Variants in HERC3 observed in about 807,000 individuals in gnomAD.
HERC3 encodes HECT and RLD domain containing E3 ubiquitin protein ligase 3.
A neutral mutation model predicts 129.9 loss-of-function variants in HERC3; 58 were observed. That is an observed-to-expected ratio of 0.45 (90% CI 0.36 to 0.56). The LOEUF (loss-of-function observed/expected upper bound fraction) is 0.56, where lower values mean the gene tolerates loss of function less well. Among genes scored for constraint, HERC3 ranks in the 20% least tolerant of loss-of-function variants. The pLI is 0.00. For synonymous variants in HERC3, 430 were observed against 451.0 expected (o/e 0.95, Z 0.59); for missense variants, 835 against 1,244.2 (o/e 0.67, Z 4.95).
At chr4:88,668,570 G>A (rs568116840) in intron 14 of HERC3, 84 of 155,656 alleles carry the variant, frequency 5.4e-4, no homozygotes, top group Non-Finnish European at 1.0e-3. Context: ...TGCAGGCTCC[G>A]GACACTTTGC....
chr4:88,546,732 T>C, the HERC3 span, among the ~76,000 whole-genome samples: 1 of 152,220 alleles, frequency 6.6e-6, no homozygotes, highest in African/African-American at 2.4e-5. Context: ...TATGGCTCAA[T>C]TGTGCAGATG....
At chr4:88,697,376 T>C (rs1289917036) in intron 23 of HERC3, 2 of 1,613,870 alleles carry the variant, frequency 1.2e-6, no homozygotes, top group African/African-American at 1.3e-5. Context: ...CACCCCTCCA[T>C]CTCGCCGGTG....
intron 3 of HERC3, among the ~76,000 whole-genome samples, chr4:88,614,985 T>C (rs2149210390): frequency 6.6e-6 from 1 of 152,342 alleles, no homozygotes; most frequent in East Asian, 1.9e-4. Flanking sequence ...CCAACAGTAC[T>C]GAATTCTGAA....
At chr4:88,673,059 C>T (rs1483594409) in intron 16 of HERC3, among the ~76,000 whole-genome samples, 2 of 152,204 alleles carry the variant, frequency 1.3e-5, no homozygotes, top group Non-Finnish European at 2.9e-5. Context: ...CAATCAGTAA[C>T]TTGCCATTAT....
intron 23 of HERC3, among the ~76,000 whole-genome samples, chr4:88,698,175 G>T (rs1734874945): frequency 6.6e-6 from 1 of 152,136 alleles, no homozygotes; most frequent in Non-Finnish European, 1.5e-5. Flanking sequence ...AAATGCCAGT[G>T]CATATGTCTT....
chr4:88,581,282 T>A, the HERC3 span, among the ~76,000 whole-genome samples: 1 of 151,238 alleles, frequency 6.6e-6, no homozygotes, highest in Non-Finnish European at 1.5e-5. Flanking sequence ...TTCTTTCTAT[T>A]TATTTACTTA....
chr4:88,638,125 A>G (rs1215739475), intron 3 of HERC3, among the ~76,000 whole-genome samples: 2 of 152,192 alleles, frequency 1.3e-5, no homozygotes, highest in Non-Finnish European at 2.9e-5. Flanking sequence ...ACAAAGTCCA[A>G]GACCAGAGAG....
At chr4:88,644,874 A>G (rs1282112729) in intron 3 of HERC3, among the ~76,000 whole-genome samples, 1 of 152,192 alleles carries the variant, frequency 6.6e-6, no homozygotes, top group East Asian at 1.9e-4. Context: ...TTTAGACCAA[A>G]GTAATTAATT....
At chr4:88,629,543 T>C (rs1205906944) in intron 3 of HERC3, among the ~76,000 whole-genome samples, 1 of 152,206 alleles carries the variant, frequency 6.6e-6, no homozygotes, top group Non-Finnish European at 1.5e-5. Flanking sequence ...ATTATTTCTT[T>C]AGGATATATT....
chr4:88,626,834 T>C (rs1454207318), intron 3 of HERC3, among the ~76,000 whole-genome samples: 1 of 152,110 alleles, frequency 6.6e-6, no homozygotes, highest in East Asian at 1.9e-4. Context: ...TTAATCTTTT[T>C]AAATAATAAG....
At chr4:88,524,204 G>C in the HERC3 span, among the ~76,000 whole-genome samples, 2 of 152,146 alleles carry the variant, frequency 1.3e-5, no homozygotes, top group African/African-American at 4.8e-5. Flanking sequence ...CTGTAACCTT[G>C]TTTGGCTTTT....
the HERC3 span, among the ~76,000 whole-genome samples, chr4:88,545,886 A>C: frequency 1.3e-5 from 2 of 152,228 alleles, no homozygotes; most frequent in African/African-American, 4.8e-5. Context: ...CCTAATATGC[A>C]GATGTAATCA....
intron 3 of HERC3, among the ~76,000 whole-genome samples, chr4:88,608,378 C>A (rs575578802): frequency 1.1e-4 from 17 of 152,206 alleles, no homozygotes; most frequent in African/African-American, 4.1e-4. Flanking sequence ...GGTTTCTTAA[C>A]CTGAGGACCC....
intron 18 of HERC3, 58 bp from the exon 19 acceptor site, chr4:88,677,906 G>A (rs1188427897): frequency 2.6e-6 from 4 of 1,519,304 alleles, no homozygotes; most frequent in Non-Finnish European, 3.6e-6. Context: ...ACAGCTGACT[G>A]CTCTCCCAAC....
the HERC3 span, among the ~76,000 whole-genome samples, chr4:88,563,355 T>C: frequency 3.9e-5 from 6 of 152,228 alleles, no homozygotes; most frequent in African/African-American, 1.4e-4. Flanking sequence ...GATTTTTGTA[T>C]CCTGAAACTT....
chr4:88,694,115 CAAAA>C (rs1156677992), intron 23 of HERC3, among the ~76,000 whole-genome samples: 1 of 152,146 alleles, frequency 6.6e-6, no homozygotes, highest in Non-Finnish European at 1.5e-5. Context: ...TTATCATAAA[CAAAA>C]GAAAGATTGC....
rs60127795 is a variant in HERC3, at chr4:88,604,023, CT to C, written c.-29-1758del. Among the ~76,000 whole-genome samples the C allele has an allele frequency of 2.6e-3, 380 of 144,808 alleles. 2 individuals are homozygous for C. Among genetic ancestry groups the C allele is most frequent in the Admixed American group, 2.9e-3 (42 of 14,522 alleles). The allele number at this position is 144,808 out of a possible 152,430, so 95.0% of individuals were successfully genotyped here. On this transcript the variant is annotated intron_variant, in intron 2 of 25. Coordinates refer to ENST00000402738, the MANE Select transcript of HERC3 (RefSeq NM_014606.3). ...TATAATTCACATACCATAAAATTTACTTTTTTTTTTTTTTGATACTGAATTT... is the reference window on the plus strand; with the variant it reads ...TATAATTCACATACCATAAAATTTACTTTTTTTTTTTTTGATACTGAATTT...
intron 2 of HERC3, among the ~76,000 whole-genome samples, chr4:88,600,745 C>T (rs1001827967): frequency 1.3e-5 from 2 of 152,146 alleles, no homozygotes; most frequent in African/African-American, 2.4e-5. Context: ...TGGATGTACC[C>T]GCTTGTTGAT....
chr4:88,706,571 CT>C lies in HERC3; in HGVS notation c.2945-171del, dbSNP rs374738002. ...GTGAGGGTGTACATTTGATTGAGGC[CT>C]TTTTTTTTTCTTAACGGCATCTAAT... On this transcript the variant is annotated intron_variant, in intron 25 of 25. Coordinates refer to ENST00000402738, the MANE Select transcript of HERC3 (RefSeq NM_014606.3). Among the ~76,000 whole-genome samples the C allele has an allele frequency of 2.5e-4, 37 of 149,122 alleles. 1 individual carries two copies. In the East Asian group the frequency reaches 4.5e-3, roughly 18 times the overall value.
Sources: gnomAD v4.1 joint callset for allele counts (sites outside exome capture counted in the v4.1 genomes callset) on GRCh38, gnomAD v4.1.1 for gene constraint, MANE v1.5 for transcripts, NCBI Gene and HGNC (gene_info 2026-07-23, HGNC 2026-07-21) for gene names.